Variants in SVOP observed in about 807,000 individuals in gnomAD.
SVOP encodes synaptic vesicle 2-related protein.
Under a neutral mutation model 69.1 loss-of-function variants are expected in SVOP, and 17 were observed. That is an observed-to-expected ratio of 0.25 (90% CI 0.17 to 0.37). SVOP has a LOEUF of 0.37. Ranked by LOEUF, SVOP falls within the 10% of genes least tolerant of loss-of-function variation. The pLI is 1.00. For synonymous variants in SVOP, 238 were observed against 238.6 expected (o/e 1.00, Z 0.02); for missense variants, 435 against 597.5 (o/e 0.73, Z 2.84).
At chr12:108,997,399 T>A (rs1262882681) in intron 1 of SVOP, among the ~76,000 whole-genome samples, 13 of 151,248 alleles carry the variant, frequency 8.6e-5, no homozygotes, top group African/African-American at 2.9e-4. Context: ...CGCCCGCCAT[T>A]GCCCAGGCTT....
At chr12:108,995,971 C>CACAT (rs776556332) in intron 1 of SVOP, among the ~76,000 whole-genome samples, 3 of 151,874 alleles carry the variant, frequency 2.0e-5, no homozygotes, top group African/African-American at 7.3e-5. Context: ...TACACACACA[C>CACAT]ACATACATAC....
At chr12:108,930,519 C>A (rs1344204973) in intron 11 of SVOP, among the ~76,000 whole-genome samples, 1 of 151,516 alleles carries the variant, frequency 6.6e-6, no homozygotes, top group South Asian at 2.1e-4. Context: ...CTCACTGCAG[C>A]CTCAGCCTCC....
intron 5 of SVOP, among the ~76,000 whole-genome samples, chr12:108,969,080 T>C (rs1258808841): frequency 1.3e-5 from 2 of 151,752 alleles, no homozygotes; most frequent in South Asian, 4.2e-4. Context: ...CCACCACTCC[T>C]GGCCTCCTTT....
intron 11 of SVOP, among the ~76,000 whole-genome samples, chr12:108,924,738 CAAG>C (rs2039769983): frequency 6.6e-6 from 1 of 152,240 alleles, no homozygotes; most frequent in South Asian, 2.1e-4. Flanking sequence ...AATAGCCACC[CAAG>C]AAGGTTAGAG....
chr12:108,978,154 A>G (rs906165297), intron 3 of SVOP, among the ~76,000 whole-genome samples: 3 of 152,220 alleles, frequency 2.0e-5, no homozygotes, highest in Non-Finnish European at 4.4e-5. Context: ...GCCATTCACA[A>G]AAATTAATTT....
intron 5 of SVOP, among the ~76,000 whole-genome samples, chr12:108,963,718 G>A (rs2040029938): frequency 6.6e-6 from 1 of 151,990 alleles, no homozygotes; most frequent in Non-Finnish European, 1.5e-5. Context: ...TGTTGCCCAG[G>A]CTGGTCTCGA....
At chr12:108,973,870 C>G (rs140634256) in intron 4 of SVOP, among the ~76,000 whole-genome samples, 101,974 of 152,074 alleles carry the variant, frequency 0.67, 34,688 homozygotes, top group East Asian at 0.79. Flanking sequence ...GTAAACCCTT[C>G]AGGGTGCCTC....
In SVOP at chr12:108,908,462, CT is replaced by C. The variant is rs1566043693; in HGVS notation, c.*4072del. 1 of 152,214 alleles carries C rather than the reference CT, an allele frequency of 6.6e-6. No homozygotes were observed. Among genetic ancestry groups the C allele is most frequent in the Non-Finnish European group, 1.5e-5 (1 of 68,048 alleles). The allele number at this position is 152,214 out of a possible 1,614,324, so 9.4% of individuals were successfully genotyped here. ...ATTTCACAGAAAAACCTAGACTCCT[CT>C]TTTGAACATTGTAAGATCTGGTCAC... On this transcript the variant is annotated 3_prime_UTR_variant, in exon 16 of 16. Transcript: ENST00000610966.
In SVOP at chr12:108,918,063, C is replaced by T. The variant is rs868450077; in HGVS notation, c.1330G>A (p.Ala444Thr). The T allele has an allele frequency of 1.3e-6, 2 of 1,581,824 alleles. No homozygotes were observed. Among genetic ancestry groups the T allele is most frequent in the Admixed American group, 1.8e-5 (1 of 55,262 alleles). ...CCTACCTCAGGTGTGTAAACATATG[C>T]CGCTTGAAAGCCTCCAGAAATAAAC... ...RAFISGGFQA[A>T]YVYTPEVYPT... is the part of the protein sequence containing the mutation. Residue 444 changes from alanine (A) to threonine (T), a missense_variant, in exon 14 of 16, where the codon GCA becomes ACA. Ala to Thr is a moderately conservative substitution (Grantham distance 58). Coordinates refer to ENST00000610966, the MANE Select transcript of SVOP (RefSeq NM_018711.5).
chr12:108,940,023 C>T (rs1366005758), intron 8 of SVOP, among the ~76,000 whole-genome samples: 1 of 152,186 alleles, frequency 6.6e-6, no homozygotes, highest in South Asian at 2.1e-4. Flanking sequence ...GAGAGAGAAG[C>T]TCCTATCGTG....
chr12:108,912,656 G>C lies in SVOP; in HGVS notation c.1526C>G (p.Pro509Arg), dbSNP rs775020383. The part of the protein sequence containing the change: ...LLAALASCFL[P>R]IETKGRGLQE... Reference sequence around the variant, plus strand: ...CAGTCCTCGGCCTTTGGTCTCAATGGGCAAAAAGCAGGAGGCCAGGGCAGC... The same window carrying C: ...CAGTCCTCGGCCTTTGGTCTCAATGCGCAAAAAGCAGGAGGCCAGGGCAGC... The change falls in exon 16 of 16, where the codon CCC (proline) becomes CGC (arginine). Residue 509 changes from proline to arginine, a missense_variant. Transcript: ENST00000610966. The C allele has an allele frequency of 1.9e-6, 3 of 1,613,972 alleles. No homozygotes were observed. The highest frequency in any genetic ancestry group is 2.5e-6 in the Non-Finnish European group (3 of 1,179,896).
chr12:108,948,638 C>T (rs1207278253), intron 6 of SVOP, among the ~76,000 whole-genome samples: 1 of 152,170 alleles, frequency 6.6e-6, no homozygotes, highest in Non-Finnish European at 1.5e-5. Context: ...AAGTCTTTGT[C>T]TTCACATTGT....
At chr12:108,915,172 C>CAAA (rs78563087) in intron 15 of SVOP, among the ~76,000 whole-genome samples, 3,588 of 113,858 alleles carry the variant, frequency 0.032, 151 homozygotes, top group African/African-American at 0.12. Context: ...GACTCCATCC[C>CAAA]AAAAAAAAAA....
chr12:108,955,794 C>A (rs892596268), intron 6 of SVOP, among the ~76,000 whole-genome samples: 1 of 152,232 alleles, frequency 6.6e-6, no homozygotes, highest in Non-Finnish European at 1.5e-5. Flanking sequence ...CTCTGCCAGG[C>A]ACTGTCCTGG....
chr12:109,004,702 TATTTC>T (rs149632810), intron 1 of SVOP, among the ~76,000 whole-genome samples: 81,905 of 146,100 alleles, frequency 0.56, 26,811 homozygotes, highest in Middle Eastern at 0.75. Context: ...CTGATACAAG[TATTTC>T]ATTTCATTTC....
intron 1 of SVOP, among the ~76,000 whole-genome samples, chr12:109,004,702 T>TATTTCATTTC (rs149632810): frequency 2.9e-3 from 423 of 146,460 alleles, no homozygotes; most frequent in African/African-American, 9.1e-3. Flanking sequence ...CTGATACAAG[T>TATTTCATTTC]ATTTCATTTC....
chr12:109,017,285 C>T (rs2040372441), intron 1 of SVOP, among the ~76,000 whole-genome samples: 1 of 150,930 alleles, frequency 6.6e-6, no homozygotes, highest in African/African-American at 2.5e-5. Context: ...GTTGCAGGCT[C>T]CTTATGAGAA....
chr12:108,931,630 G>A (rs1342649267), intron 11 of SVOP, among the ~76,000 whole-genome samples: 1 of 152,088 alleles, frequency 6.6e-6, no homozygotes, highest in Admixed American at 6.5e-5. Context: ...TCAAGAGATT[G>A]AGACCATCCT....
intron 15 of SVOP, among the ~76,000 whole-genome samples, chr12:108,915,087 C>T (rs1487632416): frequency 1.3e-5 from 2 of 149,976 alleles, no homozygotes; most frequent in African/African-American, 2.5e-5. Flanking sequence ...GCAGGAGAAT[C>T]GCTTGAACCT....
Sources: gnomAD v4.1 joint callset for allele counts (sites outside exome capture counted in the v4.1 genomes callset) on GRCh38, gnomAD v4.1.1 for gene constraint, MANE v1.5 for transcripts, NCBI Gene and HGNC (gene_info 2026-07-23, HGNC 2026-07-21) for gene names.